The following CASP2 variants were observed in gnomAD, a reference collection of about 807,000 sequenced individuals.
CASP2 encodes caspase-2.
CASP2 carries 38 observed loss-of-function variants against 54.4 expected under a neutral mutation model. That is an observed-to-expected ratio of 0.70 (90% CI 0.54 to 0.92). The LOEUF (loss-of-function observed/expected upper bound fraction) is 0.92, where lower values mean the gene tolerates loss of function less well. Ranked by LOEUF, CASP2 falls within the 40% of genes least tolerant of loss-of-function variation. CASP2 has a pLI of 0.00. For missense variants in CASP2, 512 were observed against 579.6 expected (o/e 0.88, Z 1.20); for synonymous variants, 215 against 216.3 (o/e 0.99, Z 0.05).
intron 6 of CASP2, among the ~76,000 whole-genome samples, chr7:143,298,210 T>G (rs1267149130): frequency 1.3e-5 from 2 of 152,248 alleles, no homozygotes; most frequent in Admixed American, 1.3e-4. Flanking sequence ...TGTTATATTA[T>G]AGAAGTGTGC....
chr7:143,296,279 A>T (rs1801746882), intron 6 of CASP2, among the ~76,000 whole-genome samples: 1 of 152,194 alleles, frequency 6.6e-6, no homozygotes, highest in African/African-American at 2.4e-5. Flanking sequence ...CTGGAATTGC[A>T]GTAGAGTTGA....
Position 143,291,677 on chromosome 7 carries a change from G to C in CASP2, c.212G>C (p.Arg71Thr). Residue 71 changes from arginine (R) to threonine (T), a missense_variant, in exon 2 of 11, where the codon AGG becomes ACG. Around this residue, in one of 3 missense-constraint regions of CASP2, gnomAD observed 417 missense variants for 495.4 expected, o/e 0.84. Transcript: ENST00000310447. ...LEKDIITLEM[R>T]ELIQAKVGSF... is the part of the protein sequence containing the mutation. ...AAGGACATCATCACCTTGGAAATGAGGGAGCTCATCCAGGTATCTGGAGGC... is the reference window on the plus strand; with the variant it reads ...AAGGACATCATCACCTTGGAAATGACGGAGCTCATCCAGGTATCTGGAGGC... 6.2e-7 allele frequency: 1 copy of C among 1,613,950 alleles called. No individual in the cohort carries two copies. Among genetic ancestry groups the C allele is most frequent in the Non-Finnish European group, 8.5e-7 (1 of 1,179,914 alleles).
intron 1 of CASP2, among the ~76,000 whole-genome samples, chr7:143,291,091 C>A (rs1201597525): frequency 6.6e-6 from 1 of 152,162 alleles, no homozygotes; most frequent in Non-Finnish European, 1.5e-5. Flanking sequence ...TCTGTTAAAG[C>A]CATTGGCTTG....
intron 9 of CASP2, among the ~76,000 whole-genome samples, chr7:143,304,441 A>C (rs1272009484): frequency 1.3e-5 from 2 of 152,240 alleles, no homozygotes; most frequent in African/African-American, 4.8e-5. Context: ...GGGAGACCTG[A>C]AAATTTGTAT....
chr7:143,292,272 G>C, intron 2 of CASP2, 28 bp from the exon 3 acceptor site: 1 of 1,610,812 alleles, frequency 6.2e-7, no homozygotes. Flanking sequence ...AAGTAAATAT[G>C]ATTTCATGTT....
chr7:143,304,801 G>A lies in CASP2; in HGVS notation c.1227+18G>A, dbSNP rs769481276. 15 of 1,607,636 alleles carry A rather than the reference G, an allele frequency of 9.3e-6. No homozygotes were observed. Among genetic ancestry groups the A allele is most frequent in the Admixed American group, 3.3e-5 (2 of 60,022 alleles). The stretch of plus-strand genomic sequence containing the variant: ...TGGTTAAGGTGAGCCAGCGGGCTCC[G>A]TGACCCCTGTGTGTCTCCACAGTGC... On this transcript the variant is annotated intron_variant, in intron 10 of 10. Transcript: ENST00000310447.
chr7:143,292,876 TGGTG>T (rs938834409), intron 4 of CASP2, among the ~76,000 whole-genome samples, 178 bp downstream of exon 4: 1 of 152,042 alleles, frequency 6.6e-6, no homozygotes, highest in Non-Finnish European at 1.5e-5. Flanking sequence ...CTGGGCATGG[TGGTG>T]GGTGCCTGTA....
rs919566354 is a variant in CASP2 at position 143,307,080 on chromosome 7, G to C, written c.*2009G>C. The C allele has an allele frequency of 1.3e-5, 2 of 152,174 alleles. No individual in the cohort carries two copies. The highest frequency in any genetic ancestry group is 2.4e-5 in the African/African-American group (1 of 41,410). The allele number at this position is 152,174 out of a possible 1,614,324, so 9.4% of individuals were successfully genotyped here. ...GTGGTGTCCTTCTTCCTCAAGTCTTGACAATTCCCGGGCCCTTCAGTCCCT... is the reference window on the plus strand; with the variant it reads ...GTGGTGTCCTTCTTCCTCAAGTCTTCACAATTCCCGGGCCCTTCAGTCCCT... On this transcript the variant is annotated 3_prime_UTR_variant, in exon 11 of 11. Coordinates refer to ENST00000310447, the MANE Select transcript of CASP2 (RefSeq NM_032982.4).
rs777186983 is a variant in CASP2 at position 143,291,780 on chromosome 7, C to CTTT, written c.225+108_225+110dup. 5.5e-3 allele frequency: 2,319 copies of CTTT among 422,254 alleles called. 4 individuals carry two copies. Among genetic ancestry groups the CTTT allele is most frequent in the Non-Finnish European group, 6.2e-3 (1,595 of 255,672 alleles). 26.2% of individuals were successfully genotyped at this position (422,254 alleles called of 1,614,324 possible). A position where few individuals can be genotyped will look rare whatever the true frequency, so the allele number is the denominator to read the frequency against. On this transcript the variant is annotated intron_variant, in intron 2 of 10. Coordinates refer to ENST00000310447, the MANE Select transcript of CASP2 (RefSeq NM_032982.4). ...TGGAAAGGGTGTCGTATCTTTCTTC[C>CTTT]TTTTTTTTTTTTTTTTTTTTGAGAC...
At chr7:143,301,755 G>C (rs767950553) in intron 8 of CASP2, 2 of 152,130 alleles carry the variant, frequency 1.3e-5, no homozygotes, top group African/African-American at 2.4e-5. Flanking sequence ...ACAGATGCTC[G>C]GATCTGATTT....
chr7:143,288,523 G>A lies in CASP2; in HGVS notation c.68G>A (p.Gly23Glu), dbSNP rs762901349. 5.6e-5 allele frequency: 90 copies of A among 1,613,084 alleles called. No homozygotes were observed. The South Asian group carries it at 9.7e-4, about 17-fold the overall frequency. Residue 23 changes from glycine to glutamate, a missense_variant, in exon 1 of 11, where the codon GGA becomes GAA. Gly to Glu is a moderately conservative substitution (Grantham distance 98, BLOSUM62 -2). Transcript: ENST00000310447. ...AAGGAGCTGATGGCCGCTGACAGGG[G>A]ACGCAGGTAAGTAGGGAACGGTCTT... ...QHKELMAADR[G>E]RRILGVCGMH... is the part of the protein sequence containing the mutation.
rs4647299 is a variant in CASP2, at chr7:143,294,432, G to T, written c.570+108G>T. 2.8e-4 allele frequency: 298 copies of T among 1,054,132 alleles called. No individual in the cohort carries two copies. The East Asian group carries it at 4.7e-3, about 17-fold the overall frequency. The allele number at this position is 1,054,132 out of a possible 1,614,324, so 65.3% of individuals were successfully genotyped here. A position where few individuals can be genotyped will look rare whatever the true frequency, so the allele number is the denominator to read the frequency against. On this transcript the variant is annotated intron_variant, in intron 5 of 10. Coordinates refer to ENST00000310447, the MANE Select transcript of CASP2 (RefSeq NM_032982.4). ...CATTTCCTTTCTGCCTTATTAGTCAGAAAGTTGTTACTGGTTAAATGCCTT... is the reference window on the plus strand; with the variant it reads ...CATTTCCTTTCTGCCTTATTAGTCATAAAGTTGTTACTGGTTAAATGCCTT...
chr7:143,304,419 TC>T (rs1201421766), intron 9 of CASP2, among the ~76,000 whole-genome samples: 2 of 152,234 alleles, frequency 1.3e-5, no homozygotes, highest in Admixed American at 6.5e-5. Context: ...AACCATAACT[TC>T]CGTATACACT....
intron 6 of CASP2, among the ~76,000 whole-genome samples, chr7:143,297,458 T>G (rs897516266): frequency 6.6e-6 from 1 of 152,236 alleles, no homozygotes; most frequent in Non-Finnish European, 1.5e-5. Context: ...TCTTTTTTTT[T>G]ATTTTGAGAT....
chr7:143,299,097 C>A (rs1417753163), intron 6 of CASP2, among the ~76,000 whole-genome samples: 1 of 151,948 alleles, frequency 6.6e-6, no homozygotes, highest in Admixed American at 6.6e-5. Flanking sequence ...GTAGCTGGGA[C>A]TATAAGCATG....
intron 8 of CASP2, 48 bp from the exon 9 acceptor site, chr7:143,303,736 G>T: frequency 6.3e-7 from 1 of 1,590,348 alleles, no homozygotes; most frequent in Non-Finnish European, 8.6e-7. Context: ...GCCCAAGAGA[G>T]ATAGGAAGAA....
chr7:143,294,765 A>G lies in CASP2; in HGVS notation c.739A>G (p.Thr247Ala). 6.2e-7 allele frequency: 1 copy of G among 1,614,060 alleles called. No homozygotes were observed. Among genetic ancestry groups the G allele is most frequent in the Non-Finnish European group, 8.5e-7 (1 of 1,179,918 alleles). Reference protein sequence around the residue: ...GYDVHVLCDQTAQEMQEKLQN... With the variant: ...GYDVHVLCDQAAQEMQEKLQN... ...TGACGTCCATGTTCTATGTGACCAG[A>G]CTGCACAGGTACCTGAGGTGGGAAA... The change falls in exon 6 of 11, where the codon ACT becomes GCT. Residue 247 changes from threonine (T) to alanine (A), a missense_variant. Thr to Ala is a moderately conservative substitution (Grantham distance 58). Coordinates refer to ENST00000310447, the MANE Select transcript of CASP2 (RefSeq NM_032982.4).
At chr7:143,291,734 G>A (rs367670470) in intron 2 of CASP2, 44 bp downstream of exon 2, 11 of 1,531,682 alleles carry the variant, frequency 7.2e-6, no homozygotes, top group Non-Finnish European at 9.9e-6. Flanking sequence ...TCATGGGGTG[G>A]GAATAGAGCA....
chr7:143,291,799 T>TTTTTTTG, intron 2 of CASP2, 109 bp downstream of exon 2: 1 of 965,066 alleles, frequency 1.0e-6, no homozygotes, highest in Non-Finnish European at 1.5e-6. Flanking sequence ...TTTTTTTTTT[T>TTTTTTTG]TGAGACAGAG....
Sources: gnomAD v4.1 joint callset for allele counts (sites outside exome capture counted in the v4.1 genomes callset) on GRCh38, gnomAD v4.1.1 for gene constraint, gnomAD v4.1.1 regional missense constraint, MANE v1.5 for transcripts, NCBI Gene and HGNC (gene_info 2026-07-23, HGNC 2026-07-21) for gene names.